Variants in LONP2 observed in about 807,000 individuals in gnomAD.
LONP2 encodes the protein lon peptidase 2, peroxisomal.
LONP2 carries 60 observed loss-of-function variants against 85.6 expected under a neutral mutation model. The observed-to-expected ratio is 0.70, with a 90% CI of 0.57 to 0.87. LONP2 has a LOEUF of 0.87. LONP2 is among the 40% of genes least tolerant of loss of function. LONP2 has a pLI of 0.00. For missense variants in LONP2, 860 were observed against 1,063.5 expected, an observed-to-expected ratio of 0.81 and a Z score of 2.66; for synonymous variants, 395 against 389.7, an observed-to-expected ratio of 1.01 and a Z score of -0.16.
chr16:48,285,226 T>G (rs1972414366), intron 8 of LONP2, among the ~76,000 whole-genome samples: 1 of 152,204 alleles, frequency 6.6e-6, no homozygotes, highest in Non-Finnish European at 1.5e-5. Flanking sequence ...GTGGCGGATC[T>G]CTTATGCCTA....
rs139689968 is a variant in LONP2, at chr16:48,362,895, T to A, written c.*1032T>A. ...ACTCCTGTATAAAATCGGCACTCTGTATCCACACGGTCTGCATCCGAGGAC... is the reference window on the plus strand; with the variant it reads ...ACTCCTGTATAAAATCGGCACTCTGAATCCACACGGTCTGCATCCGAGGAC... On this transcript the variant is annotated 3_prime_UTR_variant, in exon 5 of 5. Transcript: ENST00000565867. This position sits in a 1 kb window ranked among gnomAD's most constrained non-coding sequence, Gnocchi z 4.2. The A allele has an allele frequency of 6.3e-3, 1,057 of 168,778 alleles. 13 individuals carry two copies. The highest frequency in any genetic ancestry group is 0.025 in the African/African-American group (1,022 of 41,598). The allele number at this position is 168,778 out of a possible 1,614,324, so 10.5% of individuals were successfully genotyped here.
Position 48,347,651 on chromosome 16 carries a change from G to T in LONP2, c.2083G>T (p.Glu695Ter). Residue 695 changes from glutamate (E) to a stop codon, truncating the protein, a stop_gained, in exon 13 of 15, where the codon GAG becomes TAG. Coordinates refer to ENST00000285737, the MANE Select transcript of LONP2 (RefSeq NM_031490.5). LOFTEE classifies it high-confidence loss of function. ...LTGQLGDVMK[E>*]SAHLAISWLR... Reference sequence around the variant, plus strand: ...CGGCCAGCTCGGGGACGTGATGAAGGAGTCCGCCCACCTCGCTATCAGCTG... The same window carrying T: ...CGGCCAGCTCGGGGACGTGATGAAGTAGTCCGCCCACCTCGCTATCAGCTG... The T allele has an allele frequency of 6.2e-7, 1 of 1,614,238 alleles. No individual in the cohort carries two copies. The highest frequency in any genetic ancestry group is 8.5e-7 in the Non-Finnish European group (1 of 1,180,042).
intron 11 of LONP2, among the ~76,000 whole-genome samples, chr16:48,324,087 A>AT (rs1186049120): frequency 6.6e-6 from 1 of 152,108 alleles, no homozygotes; most frequent in African/African-American, 2.4e-5. Flanking sequence ...GGTTTTTCTG[A>AT]TTTTTTTCAA....
chr16:48,279,169 C>G (rs903940649), intron 8 of LONP2, among the ~76,000 whole-genome samples: 1 of 152,102 alleles, frequency 6.6e-6, no homozygotes, highest in South Asian at 2.1e-4. Context: ...CTGCTTTTAT[C>G]TGTTTATTAT....
At position 48,353,915 on chromosome 16, in the gene LONP2, T is replaced by C. The variant is rs1031116425; in HGVS notation, c.*2113T>C. The C allele has an allele frequency of 5.9e-5, 9 of 152,010 alleles. No homozygotes were observed. Among genetic ancestry groups the C allele is most frequent in the Non-Finnish European group, 1.2e-4 (8 of 68,008 alleles). 9.4% of individuals were successfully genotyped at this position (152,010 alleles called of 1,614,324 possible). A position where few individuals can be genotyped will look rare whatever the true frequency, so the allele number is the denominator to read the frequency against. ...AAGCATATCTTTCGAAAGGCATCCA[T>C]TGAGAGAATAATGCATTCTCCCCTT... On this transcript the variant is annotated 3_prime_UTR_variant, in exon 15 of 15. Transcript: ENST00000285737.
intron 11 of LONP2, among the ~76,000 whole-genome samples, chr16:48,333,678 GAGAA>G (rs1387625319): frequency 4.6e-5 from 7 of 150,732 alleles, no homozygotes; most frequent in South Asian, 2.1e-4. Flanking sequence ...GGGGGAGAGA[GAGAA>G]AGAGAGAGAG....
At position 48,362,473 on chromosome 16, in the gene LONP2, C is replaced by A. The variant is rs1355877763; in HGVS notation, c.*610C>A. On this transcript the variant is annotated 3_prime_UTR_variant, in exon 5 of 5. Coordinates refer to the LONP2 transcript ENST00000565867. This position sits in a 1 kb window ranked among gnomAD's most constrained non-coding sequence, Gnocchi z 4.2. The stretch of plus-strand genomic sequence containing the variant: ...GGAGGCAGGAGAAAAATAATTATAA[C>A]CATGACTTACTTTATAAATAATGTT... 4 of 1,591,258 alleles carry A rather than the reference C, an allele frequency of 2.5e-6. No homozygotes were observed. The highest frequency in any genetic ancestry group is 3.4e-6 in the Non-Finnish European group (4 of 1,163,020).
At chr16:48,343,107 T>C (rs1959863545) in intron 12 of LONP2, among the ~76,000 whole-genome samples, 1 of 152,168 alleles carries the variant, frequency 6.6e-6, no homozygotes, top group African/African-American at 2.4e-5. Flanking sequence ...GTATAACTGC[T>C]CCTGTGTCTG....
At chr16:48,262,746 G>T in intron 5 of LONP2, 32 bp from the exon 6 acceptor site, 2 of 1,384,620 alleles carry the variant, frequency 1.4e-6, no homozygotes, top group South Asian at 2.5e-5. Context: ...CTGTGTTCTT[G>T]AACATGTTTG....
intron 11 of LONP2, among the ~76,000 whole-genome samples, chr16:48,325,159 C>T (rs1392774888): frequency 6.6e-6 from 1 of 152,176 alleles, no homozygotes; most frequent in Non-Finnish European, 1.5e-5. Flanking sequence ...CTACATCCCT[C>T]ACATGCACAG....
intron 14 of LONP2, 30 bp downstream of exon 14, chr16:48,348,320 A>G: frequency 7.6e-7 from 1 of 1,315,340 alleles, no homozygotes; most frequent in Non-Finnish European, 1.0e-6. Context: ...TTATATGGTT[A>G]TTTTTTATTT....
chr16:48,244,854 C>G (rs1198574830), intron 1 of LONP2, among the ~76,000 whole-genome samples: 4 of 152,322 alleles, frequency 2.6e-5, no homozygotes, highest in Non-Finnish European at 5.9e-5. Flanking sequence ...CTACGCAGTT[C>G]CCTACCGTTC....
intron 7 of LONP2, among the ~76,000 whole-genome samples, chr16:48,273,270 T>C (rs561516884): frequency 1.3e-5 from 2 of 152,282 alleles, no homozygotes; most frequent in African/African-American, 4.8e-5. Flanking sequence ...TTCCTTTTGC[T>C]AAAAGTACCT....
At chr16:48,318,005 C>T (rs1973181085) in intron 11 of LONP2, among the ~76,000 whole-genome samples, 1 of 152,006 alleles carries the variant, frequency 6.6e-6, no homozygotes, top group African/African-American at 2.4e-5. Context: ...GGTATTACAT[C>T]CTTAATTCCT....
At position 48,336,828 on chromosome 16, in the gene LONP2, G is replaced by T. The variant is rs149328732; in HGVS notation, c.1938+2470G>T. On this transcript the variant is annotated intron_variant, in intron 12 of 14. Transcript: ENST00000285737. ...CATGCAGGTCACAGGGGATATGATGGCTTAGCTTGGGCTCAGAGGCCTGAC... is the reference window on the plus strand; with the variant it reads ...CATGCAGGTCACAGGGGATATGATGTCTTAGCTTGGGCTCAGAGGCCTGAC... 8.7e-3 allele frequency among the ~76,000 whole-genome samples: 1,320 copies of T among 152,254 alleles called. 23 individuals carry two copies. The highest frequency in any genetic ancestry group is 0.03 in the African/African-American group (1,262 of 41,540).
intron 6 of LONP2, among the ~76,000 whole-genome samples, chr16:48,266,439 C>T (rs1036370217): frequency 1.3e-5 from 2 of 151,660 alleles, no homozygotes; most frequent in African/African-American, 2.4e-5. Flanking sequence ...GTAATACCAT[C>T]ACCATAATTA....
At chr16:48,303,489 T>C (rs1972850392) in intron 11 of LONP2, among the ~76,000 whole-genome samples, 184 bp downstream of exon 11, 1 of 152,168 alleles carries the variant, frequency 6.6e-6, no homozygotes, top group Non-Finnish European at 1.5e-5. Flanking sequence ...AGGATTGTCT[T>C]TTACAAATAG....
At position 48,348,141 on chromosome 16, in the gene LONP2, C is replaced by CT; in HGVS notation, c.2189dup (p.His731AlafsTer27). 1 of 1,611,614 alleles carries CT rather than the reference C, an allele frequency of 6.2e-7. No homozygotes were observed. On this transcript the variant is annotated frameshift_variant, in exon 14 of 15. Transcript: ENST00000285737. LOFTEE classifies it high-confidence loss of function. ...TCTTCTTGACAACACAGACATCCAT[C>CT]TGCACTTCCCAGCTGGAGCTGTCAC...
chr16:48,312,687 C>G (rs944788073), intron 11 of LONP2, among the ~76,000 whole-genome samples: 1 of 152,092 alleles, frequency 6.6e-6, no homozygotes, highest in Non-Finnish European at 1.5e-5. Flanking sequence ...CAGCAGAGGT[C>G]GTGCAAAACT....
Sources: gnomAD v4.1 joint callset for allele counts (sites outside exome capture counted in the v4.1 genomes callset) on GRCh38, gnomAD v4.1.1 for gene constraint, Gnocchi (gnomAD v3.1) non-coding constraint, MANE v1.5 for transcripts, NCBI Gene and HGNC (gene_info 2026-07-23, HGNC 2026-07-21) for gene names.